GALNT16: variants seen among roughly 807,000 people sequenced by gnomAD.
GALNT16 encodes polypeptide N-acetylgalactosaminyltransferase 16.
In GALNT16, 40 loss-of-function variants were observed where a neutral mutation model predicts 76.1. That is an observed-to-expected ratio of 0.53 (90% confidence interval 0.41 to 0.68). The LOEUF is 0.68. Ranked by LOEUF, GALNT16 falls within the 30% of genes least tolerant of loss-of-function variation. GALNT16 has a pLI of 0.00. For synonymous variants in GALNT16, 276 were observed against 285.2 expected (o/e 0.97, Z 0.32); for missense variants, 621 against 731.9 (o/e 0.85, Z 1.75).
Position 69,347,864 on chromosome 14 carries a change from C to T in GALNT16, c.1414-13C>T, listed in dbSNP as rs1158804120. 6.2e-7 allele frequency: 1 copy of T among 1,612,480 alleles called. No homozygotes were observed. The highest frequency in any genetic ancestry group is 1.3e-5 in the African/African-American group (1 of 75,060). On this transcript the variant is annotated splice_polypyrimidine_tract_variant and intron_variant, in intron 13 of 14. Coordinates refer to ENST00000448469, the MANE Select transcript of GALNT16 (RefSeq NM_001168368.2). ...TACTTTTTGACTTGGCCTTTCTGCT[C>T]CCTGCCTTGCAGGCATGGCTGTTCA...
chr14:69,311,473 A>G (rs1183196109), intron 1 of GALNT16, among the ~76,000 whole-genome samples: 1 of 152,196 alleles, frequency 6.6e-6, no homozygotes, highest in Non-Finnish European at 1.5e-5. Flanking sequence ...AGCCTCAAAG[A>G]AAGTCACACA....
chr14:69,377,144 T>A, the GALNT16 span, among the ~76,000 whole-genome samples: 2 of 152,228 alleles, frequency 1.3e-5, no homozygotes, highest in Non-Finnish European at 2.9e-5. Flanking sequence ...TGGTGCCAAG[T>A]AAGACCTCTT....
At chr14:69,295,136 G>A (rs573495011) in intron 1 of GALNT16, among the ~76,000 whole-genome samples, 18 of 152,200 alleles carry the variant, frequency 1.2e-4, no homozygotes, top group African/African-American at 4.1e-4. Flanking sequence ...AACATTGGCC[G>A]GGTGCCATGG....
At chr14:69,356,554 C>CTTTTTTTTTTTTTTTTTTTTTTTTTT (rs763230954), downstream of GALNT16, 81 of 117,306 alleles carry the variant, frequency 6.9e-4, 12 homozygotes, top group African/African-American at 1.2e-3. Flanking sequence ...GCTGTGAGCT[C>CTTTTTTTTTTTTTTTTTTTTTTTTTT]TTTTTTTTTT....
chr14:69,328,535 C>G lies in GALNT16; in HGVS notation c.654C>G (p.Thr218=), dbSNP rs531337764. 6 of 1,613,792 alleles carry G rather than the reference C, an allele frequency of 3.7e-6. No homozygotes were observed. In the Admixed American group the frequency reaches 8.3e-5, roughly 22 times the overall value. ...TFLDSHCEVN[T]EWLPPMLQRV... ...TGGATAGCCACTGCGAAGTGAACAC[C>G]GAGTGGCTGCCGCCCATGCTGCAGC... Residue 218 remains threonine (T), a synonymous_variant, in exon 6 of 15, where the codon ACC becomes ACG. Transcript: ENST00000448469.
rs1157203372 is a variant in GALNT16 at position 69,297,816 on chromosome 14, C to T, written c.178-22895C>T. On this transcript the variant is annotated intron_variant, in intron 1 of 14. Transcript: ENST00000448469. ...CCTCTAGGTCTTCTAGTGACATAAT[C>T]GTCGGTGATGATAACAATAGCAATA... Among the ~76,000 whole-genome samples the T allele has an allele frequency of 3.2e-4, 49 of 152,134 alleles. 1 individual carries two copies. The highest frequency in any genetic ancestry group is 3.2e-3 in the Admixed American group (49 of 15,268).
rs923050884 is a variant in GALNT16 at position 69,261,236 on chromosome 14, G to A, written c.177+769G>A. Among the ~76,000 whole-genome samples, 2 of 152,216 alleles carry A rather than the reference G, an allele frequency of 1.3e-5. No individual in the cohort carries two copies. The highest frequency in any genetic ancestry group is 2.9e-5 in the Non-Finnish European group (2 of 68,010). On this transcript the variant is annotated intron_variant, in intron 1 of 14. Transcript: ENST00000448469. This position sits in a 1 kb window ranked among gnomAD's most constrained non-coding sequence, Gnocchi z 6.4. ...GCGGGGGCGGCGGCGGGGCTGCGGG[G>A]GCCCTTGGCGCTCTGGGGACCCGGG...
intron 9 of GALNT16, among the ~76,000 whole-genome samples, chr14:69,335,547 G>A (rs548091707): frequency 6.6e-6 from 1 of 151,930 alleles, no homozygotes; most frequent in South Asian, 2.1e-4. Context: ...TGAGGCTAGA[G>A]ACAGAGAAAC....
chr14:69,305,819 G>A (rs780421814), intron 1 of GALNT16, among the ~76,000 whole-genome samples: 6 of 152,062 alleles, frequency 3.9e-5, no homozygotes, highest in East Asian at 1.9e-4. Context: ...TGTTTTTGAT[G>A]TCATGTCCAC....
rs1292420271 is a variant in GALNT16 at position 69,333,046 on chromosome 14, C to G, written c.779-39C>G. On this transcript the variant is annotated intron_variant, in intron 7 of 14. Coordinates refer to ENST00000448469, the MANE Select transcript of GALNT16 (RefSeq NM_001168368.2). This position sits in a 1 kb window ranked among gnomAD's most constrained non-coding sequence, Gnocchi z 4.2. ...TGAAGGGTCTCAGCAGCCCGCAGCT[C>G]TGCCCTGAGCTCTGTCCTCACCTTG... is the stretch of plus-strand genomic sequence containing the variant. The G allele has an allele frequency of 6.8e-7, 1 of 1,462,162 alleles. No homozygotes were observed. The highest frequency in any genetic ancestry group is 1.7e-5 in the Admixed American group (1 of 59,832). The allele number at this position is 1,462,162 out of a possible 1,614,324, so 90.6% of individuals were successfully genotyped here.
chr14:69,365,925 G>A, the GALNT16 span, among the ~76,000 whole-genome samples: 9 of 152,196 alleles, frequency 5.9e-5, no homozygotes, highest in Non-Finnish European at 4.4e-5. Context: ...AGCACATATA[G>A]TCTAGAGGGA....
At chr14:69,375,463 G>T in the GALNT16 span, among the ~76,000 whole-genome samples, 2 of 151,976 alleles carry the variant, frequency 1.3e-5, no homozygotes, top group African/African-American at 4.8e-5. Flanking sequence ...CCTATTCTTT[G>T]TTCTGGGGTC....
intron 1 of GALNT16, among the ~76,000 whole-genome samples, chr14:69,264,815 C>CTTTTTTTTTTTTTTTTTTTTTTTTTTT (rs1436985515): frequency 2.2e-5 from 1 of 44,960 alleles, no homozygotes; most frequent in African/African-American, 2.2e-4. Flanking sequence ...TTTTCTTTTT[C>CTTTTTTTTTTTTTTTTTTTTTTTTTTT]TTTCTTTTTT....
chr14:69,259,853 T>C (rs2044235295), upstream of GALNT16: 1 of 166,150 alleles, frequency 6.0e-6, no homozygotes, highest in African/African-American at 2.4e-5. Flanking sequence ...TGCCGGGCGT[T>C]CGGTCACCTA....
intron 2 of GALNT16, among the ~76,000 whole-genome samples, chr14:69,322,745 G>T (rs2045206521): frequency 6.6e-6 from 1 of 152,130 alleles, no homozygotes; most frequent in Non-Finnish European, 1.5e-5. Context: ...ACAAAAATTA[G>T]CTGGGTGTGG....
chr14:69,329,942 G>A (rs1031440763), intron 6 of GALNT16, among the ~76,000 whole-genome samples: 3 of 152,088 alleles, frequency 2.0e-5, no homozygotes, highest in African/African-American at 7.2e-5. Context: ...GATTTGGGGG[G>A]ATAAATACCC....
At chr14:69,362,765 C>A in the GALNT16 span, among the ~76,000 whole-genome samples, 1 of 152,368 alleles carries the variant, frequency 6.6e-6, no homozygotes, top group African/African-American at 2.4e-5. Context: ...CAGGCCAGAG[C>A]TGCTAGACTC....
intron 2 of GALNT16, among the ~76,000 whole-genome samples, chr14:69,323,075 G>T (rs2045227079): frequency 6.6e-6 from 1 of 152,044 alleles, no homozygotes; most frequent in East Asian, 1.9e-4. Flanking sequence ...GGGCCAGTTT[G>T]CTGGTAGAAG....
At chr14:69,316,776 A>C (rs200480280) in intron 1 of GALNT16, among the ~76,000 whole-genome samples, 3 of 68,004 alleles carry the variant, frequency 4.4e-5, no homozygotes, top group East Asian at 8.5e-4. Flanking sequence ...GTAGTCTGTG[A>C]GGGGGGGGGG....
Sources: allele counts gnomAD v4.1 joint callset (sites outside exome capture counted in the v4.1 genomes callset), GRCh38; gene constraint gnomAD v4.1.1; non-coding constraint Gnocchi (gnomAD v3.1); transcripts MANE v1.5; gene names NCBI Gene and HGNC (gene_info 2026-07-23, HGNC 2026-07-21).